Variants in HDGF observed in about 807,000 individuals in gnomAD.
HDGF encodes the protein heparin binding growth factor.
Under a neutral mutation model 30.0 loss-of-function variants are expected in HDGF, and 5 were observed. The observed-to-expected ratio is 0.17, with a 90% CI of 0.09 to 0.35. The LOEUF (loss-of-function observed/expected upper bound fraction) is 0.35. Ranked by LOEUF, HDGF falls within the 10% of genes least tolerant of loss-of-function variation. The pLI, the probability that HDGF is intolerant of heterozygous loss-of-function variation, is 1.00. For synonymous variants in HDGF, 133 were observed against 112.7 expected (o/e 1.18, Z -1.14); for missense variants, 214 against 302.8 (o/e 0.71, Z 2.18).
At position 156,743,412 on chromosome 1, in the gene HDGF, AG is replaced by A. The variant is rs1416492412; in HGVS notation, c.*36del. ...TCCCCAGTAGCACCCAGACAGCAGC[AG>A]GAACAGGGTGGGGGCTCCTCTTGAA... On this transcript the variant is annotated 3_prime_UTR_variant, in exon 6 of 6. Transcript: ENST00000357325. 6.6e-7 allele frequency: 1 copy of A among 1,511,612 alleles called. No homozygotes were observed. Among genetic ancestry groups the A allele is most frequent in the East Asian group, 2.4e-5 (1 of 41,804 alleles). 93.6% of individuals were successfully genotyped at this position (1,511,612 alleles called of 1,614,324 possible).
At chr1:156,750,484 G>C (rs540425759) in intron 1 of HDGF, 13 of 152,500 alleles carry the variant, frequency 8.5e-5, no homozygotes, top group African/African-American at 2.6e-4. Context: ...TTGTGGGGGG[G>C]GCTCATACTG....
upstream of HDGF, chr1:156,751,966 C>T: frequency 3.5e-6 from 5 of 1,421,578 alleles, no homozygotes; most frequent in South Asian, 2.5e-5. The surrounding 1 kb of genome is among the most constrained non-coding windows in gnomAD (Gnocchi z 4.7). Context: ...GGTGCCCGCC[C>T]GCCCGGGAGG....
At chr1:156,766,010 C>G (rs1479891935) in intron 1 of HDGF, among the ~76,000 whole-genome samples, 1 of 152,160 alleles carries the variant, frequency 6.6e-6, no homozygotes, top group African/African-American at 2.4e-5. Context: ...CAGGCCCAAC[C>G]CACATCTATT....
intron 1 of HDGF, among the ~76,000 whole-genome samples, chr1:156,746,707 C>T (rs1488031733): frequency 3.5e-5 from 5 of 143,460 alleles, no homozygotes; most frequent in Non-Finnish European, 7.6e-5. Flanking sequence ...AGGGGTGGGT[C>T]GTGGGGGAAG....
chr1:156,765,391 C>A (rs10908520), intron 1 of HDGF, among the ~76,000 whole-genome samples: 55,723 of 150,144 alleles, frequency 0.37, 10,894 homozygotes, highest in African/African-American at 0.47. Context: ...CCGCACCCGA[C>A]CTTCTTTATC....
At chr1:156,761,111 G>A (rs1349143446) in intron 1 of HDGF, among the ~76,000 whole-genome samples, 4 of 151,886 alleles carry the variant, frequency 2.6e-5, no homozygotes, top group South Asian at 2.1e-4. Flanking sequence ...TCACGGGTTC[G>A]AGACCAGCCT....
intron 1 of HDGF, among the ~76,000 whole-genome samples, chr1:156,748,350 G>A (rs542798862): frequency 1.3e-5 from 2 of 152,314 alleles, no homozygotes; most frequent in Middle Eastern, 3.4e-3. Flanking sequence ...GGGCAGCCCT[G>A]TACCCCAATA....
At chr1:156,755,761 A>AGT (rs1023729212), upstream of HDGF, 1 of 152,234 alleles carries the variant, frequency 6.6e-6, no homozygotes, top group African/African-American at 2.4e-5. Context: ...CCAAAATAAA[A>AGT]GAGCAGCCCT....
chr1:156,761,004 A>G (rs868354270), intron 1 of HDGF, among the ~76,000 whole-genome samples: 1 of 152,144 alleles, frequency 6.6e-6, no homozygotes, highest in South Asian at 2.1e-4. Flanking sequence ...GACCTGGGCT[A>G]CATGGCAAAA....
At chr1:156,744,886 T>C in intron 3 of HDGF, 122 bp downstream of exon 3, 1 of 1,179,912 alleles carries the variant, frequency 8.5e-7, no homozygotes, top group Non-Finnish European at 1.2e-6. Flanking sequence ...CCACCCTGAT[T>C]AGCTCCTACC....
intron 1 of HDGF, among the ~76,000 whole-genome samples, chr1:156,746,408 G>A (rs537067787): frequency 6.6e-6 from 1 of 152,302 alleles, no homozygotes; most frequent in South Asian, 2.1e-4. Context: ...CCTATCCAAC[G>A]CCCGCCAAAA....
intron 1 of HDGF, among the ~76,000 whole-genome samples, chr1:156,761,430 A>T (rs900423969): frequency 8.7e-5 from 13 of 149,684 alleles, no homozygotes; most frequent in African/African-American, 3.0e-4. Flanking sequence ...CCAACATGGT[A>T]AAACCCCATC....
chr1:156,751,275 G>T lies in HDGF; in HGVS notation c.87+68C>A, dbSNP rs1001858307. The T allele has an allele frequency of 2.1e-5, 33 of 1,552,256 alleles. No homozygotes were observed. The highest frequency in any genetic ancestry group is 2.4e-5 in the Non-Finnish European group (28 of 1,146,316). On this transcript the variant is annotated intron_variant, in intron 1 of 5. Transcript: ENST00000357325. This position sits in a 1 kb window ranked among gnomAD's most constrained non-coding sequence, Gnocchi z 4.7. ...TCTGCCCGCTCCGCGCGGAGCGCTCGTGCCCTTCCCGGTGTTATGCAACCC... is the reference window on the plus strand; with the variant it reads ...TCTGCCCGCTCCGCGCGGAGCGCTCTTGCCCTTCCCGGTGTTATGCAACCC...
At chr1:156,752,307 G>C (rs1651033863), upstream of HDGF, 3 of 1,551,792 alleles carry the variant, frequency 1.9e-6, no homozygotes, top group Middle Eastern at 1.7e-4. Flanking sequence ...GCTTGAGTTT[G>C]GTAGCCAGGA....
rs2102728191 is a variant in HDGF, at chr1:156,751,113, C to A, written c.87+230G>T. On this transcript the variant is annotated intron_variant, in intron 1 of 5. Transcript: ENST00000357325. This position sits in a 1 kb window ranked among gnomAD's most constrained non-coding sequence, Gnocchi z 4.7. Reference sequence around the variant, plus strand: ...CGCCCTCGGATCCCCACGCCGTGAACACGCCACTACGCGCGGACGCCGTGC... The same window carrying A: ...CGCCCTCGGATCCCCACGCCGTGAAAACGCCACTACGCGCGGACGCCGTGC... Among the ~76,000 whole-genome samples the A allele has an allele frequency of 6.6e-6, 1 of 152,254 alleles. No homozygotes were observed. The highest frequency in any genetic ancestry group is 2.1e-4 in the South Asian group (1 of 4,830).
intron 1 of HDGF, among the ~76,000 whole-genome samples, chr1:156,746,149 A>C (rs924185949): frequency 1.3e-5 from 2 of 152,088 alleles, no homozygotes; most frequent in East Asian, 3.8e-4. Flanking sequence ...CCCTAGGTAA[A>C]ACTCTTTCCT....
At position 156,745,385 on chromosome 1, in the gene HDGF, T is replaced by C; in HGVS notation, c.88-12A>G. 1 of 1,611,660 alleles carries C rather than the reference T, an allele frequency of 6.2e-7. No individual in the cohort carries two copies. The highest frequency in any genetic ancestry group is 8.5e-7 in the Non-Finnish European group (1 of 1,178,516). ...GGCATCTCGTCAATCTGGGGTGAGA[T>C]GAGGGGGTGAGGTTAGCTAGAGTCC... On this transcript the variant is annotated splice_polypyrimidine_tract_variant and intron_variant, in intron 1 of 5. Transcript: ENST00000357325.
At chr1:156,750,235 A>C (rs1011562299) in intron 1 of HDGF, among the ~76,000 whole-genome samples, 7 of 151,862 alleles carry the variant, frequency 4.6e-5, no homozygotes, top group African/African-American at 1.7e-4. Context: ...CTTGGATTTT[A>C]CTCTACAGGA....
chr1:156,750,697 G>A (rs1210566383), intron 1 of HDGF: 3 of 152,346 alleles, frequency 2.0e-5, no homozygotes, highest in Admixed American at 6.5e-5. Flanking sequence ...TGGAGCTGAG[G>A]GCTGATGGGT....
Sources: allele counts gnomAD v4.1 joint callset (sites outside exome capture counted in the v4.1 genomes callset), GRCh38; gene constraint gnomAD v4.1.1; non-coding constraint Gnocchi (gnomAD v3.1); transcripts MANE v1.5; gene names NCBI Gene and HGNC (gene_info 2026-07-23, HGNC 2026-07-21).